The following SLC6A18 variants were observed in gnomAD, a reference collection of about 807,000 sequenced individuals.
The protein encoded by SLC6A18 is inactive sodium-dependent neutral amino acid transporter B(0)AT3.
In SLC6A18, 58 loss-of-function variants were observed where a neutral mutation model predicts 62.9. That is an observed-to-expected ratio of 0.92 (90% confidence interval 0.75 to 1.15). The LOEUF (loss-of-function observed/expected upper bound fraction) is 1.15, where lower values mean the gene tolerates loss of function less well. SLC6A18 is among the 50% of genes most tolerant of loss of function. The probability of loss-of-function intolerance (pLI) is 0.00; values close to 1 mark genes in which losing one functional copy is unlikely to be tolerated. For synonymous variants in SLC6A18, 382 were observed against 365.8 expected (o/e 1.04, Z -0.51); for missense variants, 793 against 836.6 (o/e 0.95, Z 0.64).
intron 4 of SLC6A18, among the ~76,000 whole-genome samples, chr5:1,237,062 C>T (rs558945721): frequency 1.2e-3 from 175 of 148,084 alleles, no homozygotes; most frequent in African/African-American, 4.2e-3. Context: ...AGTGACACCC[C>T]GTGTCTACTA....
At chr5:1,232,967 C>A in intron 3 of SLC6A18, 79 bp downstream of exon 3, 1 of 1,525,272 alleles carries the variant, frequency 6.6e-7, no homozygotes. Context: ...AGCATCAGAG[C>A]AGCTGCGGGT....
At chr5:1,226,880 G>A (rs73034513) in intron 1 of SLC6A18, among the ~76,000 whole-genome samples, 3 of 152,102 alleles carry the variant, frequency 2.0e-5, no homozygotes, top group South Asian at 2.1e-4. Context: ...TGGAAATGCC[G>A]GCCAACGCTT....
Position 1,225,400 on chromosome 5 carries a change from AG to A in SLC6A18, c.-76del. 6.9e-7 allele frequency: 1 copy of A among 1,445,088 alleles called. No individual in the cohort carries two copies. The highest frequency in any genetic ancestry group is 9.2e-7 in the Non-Finnish European group (1 of 1,085,180). The allele number at this position is 1,445,088 out of a possible 1,614,324, so 89.5% of individuals were successfully genotyped here. ...GCTTGTGGTTTCCAAACGTCGGCAG[AG>A]GCTGGAGACGGCTCTCTAGTGCTGG... is the stretch of plus-strand genomic sequence containing the variant. On this transcript the variant is annotated 5_prime_UTR_variant, in exon 1 of 12. Coordinates refer to ENST00000324642, the MANE Select transcript of SLC6A18 (RefSeq NM_182632.3).
intron 1 of SLC6A18, among the ~76,000 whole-genome samples, chr5:1,231,451 C>G (rs1393711515): frequency 6.6e-6 from 1 of 152,200 alleles, no homozygotes; most frequent in Non-Finnish European, 1.5e-5. Context: ...AGACACCACT[C>G]TCCTGCGACA....
chr5:1,239,341 T>C lies in SLC6A18; in HGVS notation c.733-109T>C, dbSNP rs1746990585. Reference sequence around the variant, plus strand: ...TTCCTGGTGTCTGTACAGGTCACACTTGCTCACGAGTGTCCCCAAAGCCAC... The same window carrying C: ...TTCCTGGTGTCTGTACAGGTCACACCTGCTCACGAGTGTCCCCAAAGCCAC... On this transcript the variant is annotated intron_variant, in intron 5 of 11. Coordinates refer to ENST00000324642, the MANE Select transcript of SLC6A18 (RefSeq NM_182632.3). 9 of 768,074 alleles carry C rather than the reference T, an allele frequency of 1.2e-5. No homozygotes were observed. The East Asian group carries it at 2.2e-4, about 19-fold the overall frequency. The allele number at this position is 768,074 out of a possible 1,614,324, so 47.6% of individuals were successfully genotyped here.
intron 6 of SLC6A18, among the ~76,000 whole-genome samples, chr5:1,239,770 AC>A (rs1409850851): frequency 6.6e-6 from 1 of 152,184 alleles, no homozygotes; most frequent in Non-Finnish European, 1.5e-5. Context: ...ACACCCAGGA[AC>A]CAGGGTGTAA....
At position 1,243,522 on chromosome 5, in the gene SLC6A18, G is replaced by A. The variant is rs201305109; in HGVS notation, c.1132-33G>A. The A allele has an allele frequency of 1.4e-5, 23 of 1,607,208 alleles. No homozygotes were observed. Among genetic ancestry groups the A allele is most frequent in the East Asian group, 4.5e-5 (2 of 44,836 alleles). On this transcript the variant is annotated intron_variant, in intron 8 of 11. Transcript: ENST00000324642. The surrounding 1 kb of genome is among the most constrained non-coding windows in gnomAD (Gnocchi z 6.5). The stretch of plus-strand genomic sequence containing the variant: ...TGTGTGTGGTGGAGTGTGTGTGTGC[G>A]TGGCCTGAAGCCCGGGGCTCCGTGT...
intron 5 of SLC6A18, among the ~76,000 whole-genome samples, chr5:1,238,627 GAGTGAGCCTGGA>G (rs1746964845): frequency 4.5e-5 from 2 of 44,148 alleles, no homozygotes; most frequent in African/African-American, 3.6e-4. Context: ...GTCAGGTTTG[GAGTGAGCCTGGA>G]GGACTCAGGA....
In SLC6A18 at chr5:1,244,131, T is replaced by G. The variant is rs191004437; in HGVS notation, c.1337-83T>G. On this transcript the variant is annotated intron_variant, in intron 9 of 11. Coordinates refer to ENST00000324642, the MANE Select transcript of SLC6A18 (RefSeq NM_182632.3). ...CCTCCCCGCTGTCCGAGGGCAGGTCTGCCTGGCTGGCTTCCTCCTGACCCT... is the reference window on the plus strand; with the variant it reads ...CCTCCCCGCTGTCCGAGGGCAGGTCGGCCTGGCTGGCTTCCTCCTGACCCT... 9.9e-4 allele frequency: 1,245 copies of G among 1,251,966 alleles called. 9 individuals are homozygous for G. In the African/African-American group the frequency reaches 0.016, roughly 16 times the overall value. 77.6% of individuals were successfully genotyped at this position (1,251,966 alleles called of 1,614,324 possible).
Position 1,243,285 on chromosome 5 carries a change from C to T in SLC6A18, c.1132-270C>T, listed in dbSNP as rs1313660636. 2.6e-5 allele frequency among the ~76,000 whole-genome samples: 4 copies of T among 152,292 alleles called. No individual in the cohort carries two copies. The highest frequency in any genetic ancestry group is 4.4e-5 in the Non-Finnish European group (3 of 68,010). The stretch of plus-strand genomic sequence containing the variant: ...CAGGTGTGGGATGCATCTCAGGGTG[C>T]CTGACTCTAGGCATAAAAGGCGCTG... On this transcript the variant is annotated intron_variant, in intron 8 of 11. Coordinates refer to ENST00000324642, the MANE Select transcript of SLC6A18 (RefSeq NM_182632.3). The surrounding 1 kb of genome is among the most constrained non-coding windows in gnomAD (Gnocchi z 6.5).
At chr5:1,234,016 C>T (rs904208098) in intron 3 of SLC6A18, among the ~76,000 whole-genome samples, 1 of 152,172 alleles carries the variant, frequency 6.6e-6, no homozygotes, top group South Asian at 2.1e-4. Flanking sequence ...GCTGGGATTA[C>T]AGGCGTGAGC....
At chr5:1,238,749 C>T (rs970733110) in intron 5 of SLC6A18, among the ~76,000 whole-genome samples, 9 of 152,164 alleles carry the variant, frequency 5.9e-5, no homozygotes, top group African/African-American at 2.2e-4. Context: ...TGTGAGGGGT[C>T]AGGGGAGGAG....
Position 1,225,606 on chromosome 5 carries a change from G to C in SLC6A18, c.129G>C (p.Arg43=). 2 of 1,604,452 alleles carry C rather than the reference G, an allele frequency of 1.2e-6. No individual in the cohort carries two copies. The highest frequency in any genetic ancestry group is 2.2e-5 in the South Asian group (2 of 89,200). Residue 43 remains arginine (R), a synonymous_variant, in exon 1 of 12, where the codon CGG becomes CGC. Transcript: ENST00000324642. ...GFAVGLGNIW[R]FPYLCQTYGG... is the part of the protein sequence containing the mutation. Reference sequence around the variant, plus strand: ...CCGTGGGACTGGGGAACATTTGGCGGTTCCCATACCTGTGCCAGACCTATG... The same window carrying C: ...CCGTGGGACTGGGGAACATTTGGCGCTTCCCATACCTGTGCCAGACCTATG...
At chr5:1,232,621 G>A in intron 2 of SLC6A18, 130 bp from the exon 3 acceptor site, 1 of 1,338,680 alleles carries the variant, frequency 7.5e-7, no homozygotes, top group Non-Finnish European at 1.0e-6. Flanking sequence ...GTGTGAGGGA[G>A]GCCTGGCTTT....
Position 1,241,265 on chromosome 5 carries a change from C to T in SLC6A18, c.974+606C>T, listed in dbSNP as rs549830597. ...TTAGAGCACCCAACTTGCTTGTGAA[C>T]TACCTTCAGGTGGGTCCTTGAGAAC... On this transcript the variant is annotated intron_variant, in intron 7 of 11. Coordinates refer to ENST00000324642, the MANE Select transcript of SLC6A18 (RefSeq NM_182632.3). This position sits in a 1 kb window ranked among gnomAD's most constrained non-coding sequence, Gnocchi z 7.8. 6.6e-6 allele frequency among the ~76,000 whole-genome samples: 1 copy of T among 152,226 alleles called. No homozygotes were observed. The highest frequency in any genetic ancestry group is 1.5e-5 in the Non-Finnish European group (1 of 68,042).
rs547708744 is a variant in SLC6A18, at chr5:1,245,916, C to T, written c.1725C>T (p.Ser575=). 1.2e-5 allele frequency: 19 copies of T among 1,606,834 alleles called. No homozygotes were observed. In the African/African-American group the frequency reaches 2.0e-4, roughly 17 times the overall value. ...CGCGCGCCGCCTGTGTGCTGCTGTC[C>T]TTGCTGCCCGTGCTGTGGGTCCCGG... is the stretch of plus-strand genomic sequence containing the variant. ...GWARAACVLL[S]LLPVLWVPVA... Residue 575 remains serine (S), a synonymous_variant, in exon 12 of 12, where the codon TCC becomes TCT. Transcript: ENST00000324642.
rs146330979 is a variant in SLC6A18, at chr5:1,232,993, CG to C, written c.439+111del. 2.2e-3 allele frequency: 3,298 copies of C among 1,478,834 alleles called. 65 individuals are homozygous for C. In the African/African-American group the frequency reaches 0.041, roughly 18 times the overall value. 91.6% of individuals were successfully genotyped at this position (1,478,834 alleles called of 1,614,324 possible). A position where few individuals can be genotyped will look rare whatever the true frequency, so the allele number is the denominator to read the frequency against. ...AGCTGCGGGTGGCGGATGCTCACCG[CG>C]GGGGGAGGGCCGGGGAACCGGTTGC... On this transcript the variant is annotated intron_variant, in intron 3 of 11. Coordinates refer to ENST00000324642, the MANE Select transcript of SLC6A18 (RefSeq NM_182632.3).
intron 1 of SLC6A18, among the ~76,000 whole-genome samples, chr5:1,226,235 A>G (rs551567682): frequency 3.9e-5 from 6 of 152,268 alleles, no homozygotes; most frequent in African/African-American, 1.4e-4. Context: ...TGACTGAAAT[A>G]GGCTCCCACG....
chr5:1,244,493 A>T, intron 10 of SLC6A18, 115 bp from the exon 11 acceptor site: 2 of 1,547,596 alleles, frequency 1.3e-6, no homozygotes, highest in Non-Finnish European at 1.7e-6. Context: ...TGCCCTGGGG[A>T]GCTGCCGAGG....
Sources: allele counts gnomAD v4.1 joint callset (sites outside exome capture counted in the v4.1 genomes callset), GRCh38; gene constraint gnomAD v4.1.1; non-coding constraint Gnocchi (gnomAD v3.1); transcripts MANE v1.5; gene names NCBI Gene and HGNC (gene_info 2026-07-23, HGNC 2026-07-21).